Variants in WDR70 observed in about 807,000 individuals in gnomAD.
WDR70 encodes WD repeat domain 70, also known as WD repeat-containing protein 70.
A neutral mutation model predicts 88.6 loss-of-function variants in WDR70; 53 were observed. The observed-to-expected ratio is 0.60, with a 90% CI of 0.48 to 0.75. The LOEUF (loss-of-function observed/expected upper bound fraction) is 0.75. Among genes scored for constraint, WDR70 ranks in the 30% least tolerant of loss-of-function variants. The pLI is 0.00. For missense variants in WDR70, 610 were observed against 823.2 expected, an observed-to-expected ratio of 0.74 and a Z score of 3.17; for synonymous variants, 280 against 270.0, an observed-to-expected ratio of 1.04 and a Z score of -0.36.
At chr5:37,531,302 C>G (rs1741475703) in intron 9 of WDR70, among the ~76,000 whole-genome samples, 1 of 151,802 alleles carries the variant, frequency 6.6e-6, no homozygotes, top group African/African-American at 2.4e-5. Context: ...TATCTAAATC[C>G]ATTTGTTGTA....
At chr5:37,500,009 C>T (rs759203799) in intron 8 of WDR70, among the ~76,000 whole-genome samples, 24 of 151,972 alleles carry the variant, frequency 1.6e-4, no homozygotes, top group Non-Finnish European at 2.8e-4. Context: ...ATGAATTGTA[C>T]AGTGGTGAAG....
rs767789926 is a variant in WDR70, at chr5:37,621,338, CATT to C, written c.1092+16102_1092+16104del. Among the ~76,000 whole-genome samples, 38 of 152,164 alleles carry C rather than the reference CATT, an allele frequency of 2.5e-4. No homozygotes were observed. In the East Asian group the frequency reaches 6.4e-3, roughly 26 times the overall value. On this transcript the variant is annotated intron_variant, in intron 10 of 17. Transcript: ENST00000265107. ...TTGAGATTAACTTCAGACAACGTAA[CATT>C]AATCATTTAAAGCATACAGTCGTTG...
chr5:37,662,499 A>G (rs2112578419), intron 10 of WDR70, among the ~76,000 whole-genome samples: 1 of 152,334 alleles, frequency 6.6e-6, no homozygotes, highest in African/African-American at 2.4e-5. Context: ...GCTTGTATTT[A>G]ATGATTTACT....
chr5:37,445,487 G>A (rs868255335), intron 7 of WDR70, among the ~76,000 whole-genome samples: 58 of 151,908 alleles, frequency 3.8e-4, no homozygotes, highest in African/African-American at 1.3e-3. Context: ...ATGTTCATTA[G>A]GGATATTGGT....
At position 37,539,616 on chromosome 5, in the gene WDR70, G is replaced by C. The variant is rs193025997; in HGVS notation, c.917+23026G>C. Among the ~76,000 whole-genome samples the C allele has an allele frequency of 2.0e-5, 3 of 152,314 alleles. No homozygotes were observed. The East Asian group carries it at 5.8e-4, about 29-fold the overall frequency. ...GCAGCCCTAGCAAACTAACAGAGAG[G>C]GGGAAGTGTTAGAGGAACTTAAGAC... is the stretch of plus-strand genomic sequence containing the variant. On this transcript the variant is annotated intron_variant, in intron 9 of 17. Transcript: ENST00000265107.
intron 9 of WDR70, among the ~76,000 whole-genome samples, chr5:37,554,588 A>G (rs1199769545): frequency 6.6e-6 from 1 of 152,140 alleles, no homozygotes; most frequent in African/African-American, 2.4e-5. Flanking sequence ...AGAAATAAGC[A>G]GAAGCAGTGA....
At chr5:37,679,860 G>T (rs983722165) in intron 10 of WDR70, among the ~76,000 whole-genome samples, 2 of 152,256 alleles carry the variant, frequency 1.3e-5, no homozygotes, top group Non-Finnish European at 1.5e-5. Context: ...AGGCAGGCAG[G>T]CCTCCTTGAG....
At chr5:37,431,241 G>A (rs1350115588) in intron 5 of WDR70, among the ~76,000 whole-genome samples, 1 of 152,192 alleles carries the variant, frequency 6.6e-6, no homozygotes, top group Non-Finnish European at 1.5e-5. Context: ...TATCATCAGT[G>A]CTAGGCATAG....
intron 9 of WDR70, among the ~76,000 whole-genome samples, chr5:37,568,310 C>T (rs956913166): frequency 1.3e-5 from 2 of 152,156 alleles, no homozygotes; most frequent in African/African-American, 2.4e-5. Flanking sequence ...TGACCTGGTC[C>T]TTACCTTAAG....
chr5:37,595,298 C>A (rs1743668624), intron 9 of WDR70, among the ~76,000 whole-genome samples: 1 of 152,126 alleles, frequency 6.6e-6, no homozygotes, highest in Non-Finnish European at 1.5e-5. Context: ...AATTTTATTT[C>A]TGTTGACTAG....
chr5:37,688,008 G>C, intron 10 of WDR70: 1 of 656,010 alleles, frequency 1.5e-6, no homozygotes, highest in Non-Finnish European at 2.8e-6. Flanking sequence ...AACTTTTAAG[G>C]TTCTTTATCT....
At chr5:37,710,109 C>T (rs191100461) in intron 13 of WDR70, among the ~76,000 whole-genome samples, 15 of 152,054 alleles carry the variant, frequency 9.9e-5, no homozygotes, top group Admixed American at 7.9e-4. Flanking sequence ...GGTGGTTTAA[C>T]TGTTAATATC....
In WDR70 at chr5:37,396,391, G is replaced by C. The variant is rs1314133524; in HGVS notation, c.313G>C (p.Glu105Gln). 11 of 1,611,184 alleles carry C rather than the reference G, an allele frequency of 6.8e-6. No homozygotes were observed. The highest frequency in any genetic ancestry group is 9.3e-6 in the Non-Finnish European group (11 of 1,178,896). Residue 105 changes from glutamate (E) to glutamine (Q), a missense_variant, in exon 5 of 18, where the codon GAA (glutamate) becomes CAA (glutamine). By Grantham distance (29) the Glu-to-Gln change is conservative (BLOSUM62 2). Around this residue, in one of 4 missense-constraint regions of WDR70, gnomAD observed 203 missense variants for 228.1 expected, o/e 0.89. Transcript: ENST00000265107. ...TATTTTCAGGGATACGAGCAGCAGTGAAAGTGAACAGAGTTCTGACTCTTC... is the reference window on the plus strand; with the variant it reads ...TATTTTCAGGGATACGAGCAGCAGTCAAAGTGAACAGAGTTCTGACTCTTC... ...KSSSRDTSSS[E>Q]SEQSSDSSDD...
chr5:37,647,260 T>C (rs1755644870), intron 10 of WDR70, among the ~76,000 whole-genome samples: 1 of 152,238 alleles, frequency 6.6e-6, no homozygotes, highest in African/African-American at 2.4e-5. Context: ...GATTTAATTC[T>C]GAATTCCTTC....
chr5:37,740,272 A>G (rs1024176721), intron 17 of WDR70, among the ~76,000 whole-genome samples: 12 of 152,206 alleles, frequency 7.9e-5, no homozygotes, highest in Non-Finnish European at 1.3e-4. Flanking sequence ...ATAGCTCTGA[A>G]TTGAGTTTTT....
At chr5:37,642,251 T>A (rs1026543224) in intron 10 of WDR70, among the ~76,000 whole-genome samples, 5 of 152,204 alleles carry the variant, frequency 3.3e-5, no homozygotes, top group Admixed American at 2.0e-4. Context: ...ATATTAACTC[T>A]ATTTTTTCTT....
At chr5:37,723,247 G>A (rs1747876146) in intron 15 of WDR70, 1 of 292,652 alleles carries the variant, frequency 3.4e-6, no homozygotes, top group Admixed American at 4.6e-5. Context: ...AAGAGTGCTG[G>A]TCTTGGAATC....
intron 5 of WDR70, among the ~76,000 whole-genome samples, chr5:37,437,431 A>G (rs1005942933): frequency 2.0e-5 from 3 of 152,284 alleles, no homozygotes; most frequent in Non-Finnish European, 2.9e-5. Flanking sequence ...GTTATTTTTT[A>G]GGAAAATCTG....
At chr5:37,623,746 C>T (rs1250649440) in intron 10 of WDR70, among the ~76,000 whole-genome samples, 3 of 152,096 alleles carry the variant, frequency 2.0e-5, no homozygotes, top group African/African-American at 7.2e-5. Flanking sequence ...GAACAATAAA[C>T]TTCATCTCTA....
Sources: allele counts gnomAD v4.1 joint callset (sites outside exome capture counted in the v4.1 genomes callset), GRCh38; gene constraint gnomAD v4.1.1; regional missense constraint gnomAD v4.1.1; transcripts MANE v1.5; gene names NCBI Gene and HGNC (gene_info 2026-07-23, HGNC 2026-07-21).